TNFSF4: variants seen among roughly 807,000 people sequenced by gnomAD.
TNFSF4 encodes TNF superfamily member 4, also known as tumor necrosis factor ligand superfamily member 4.
A neutral mutation model predicts 7.3 loss-of-function variants in TNFSF4; 4 were observed. That is an observed-to-expected ratio of 0.55 (90% CI 0.27 to 1.25). TNFSF4 has a LOEUF of 1.25. Ranked by LOEUF, TNFSF4 falls within the 50% of genes most tolerant of loss-of-function variation. The pLI, the probability that TNFSF4 is intolerant of heterozygous loss-of-function variation, is 0.12. For synonymous variants in TNFSF4, 76 were observed against 83.7 expected (o/e 0.91, Z 0.50); for missense variants, 181 against 208.8 (o/e 0.87, Z 0.82).
the TNFSF4 span, among the ~76,000 whole-genome samples, chr1:173,313,889 T>C: frequency 3.2e-4 from 48 of 152,248 alleles, no homozygotes; most frequent in Non-Finnish European, 5.4e-4. Context: ...CTAGGGATAC[T>C]TGTCTTATAA....
At chr1:173,176,641 A>C in the TNFSF4 span, among the ~76,000 whole-genome samples, 1 of 152,228 alleles carries the variant, frequency 6.6e-6, no homozygotes, top group Admixed American at 6.5e-5. Context: ...ACAAAGAAAT[A>C]TAAATCATTG....
the TNFSF4 span, among the ~76,000 whole-genome samples, chr1:173,291,163 AAGGCAAAAC>A: frequency 2.6e-5 from 4 of 152,154 alleles, no homozygotes; most frequent in Non-Finnish European, 5.9e-5. Context: ...CTCCTAGTGG[AAGGCAAAAC>A]AGGAGCGAGC....
the TNFSF4 span, among the ~76,000 whole-genome samples, chr1:173,314,845 A>C: frequency 2.0e-5 from 3 of 152,164 alleles, no homozygotes; most frequent in Admixed American, 2.0e-4. Flanking sequence ...AGAGCCATTC[A>C]TCTGATAGTC....
the TNFSF4 span, among the ~76,000 whole-genome samples, chr1:173,327,947 G>C: frequency 3.9e-5 from 6 of 152,144 alleles, no homozygotes; most frequent in African/African-American, 1.4e-4. Context: ...TCAGTGTGGC[G>C]ATTCCTCAGG....
chr1:173,232,249 TC>T, the TNFSF4 span, among the ~76,000 whole-genome samples: 1 of 152,176 alleles, frequency 6.6e-6, no homozygotes, highest in Non-Finnish European at 1.5e-5. Context: ...GGGAGTTCAC[TC>T]ATGATTTGGC....
chr1:173,360,871 C>T, the TNFSF4 span, among the ~76,000 whole-genome samples: 1 of 152,142 alleles, frequency 6.6e-6, no homozygotes, highest in African/African-American at 2.4e-5. Flanking sequence ...GCAACACATG[C>T]CTACACTATG....
the TNFSF4 span, among the ~76,000 whole-genome samples, chr1:173,417,439 C>T: frequency 3.9e-5 from 6 of 152,298 alleles, no homozygotes; most frequent in East Asian, 9.6e-4. Flanking sequence ...CATCTTACAG[C>T]TAGACCTATA....
the TNFSF4 span, among the ~76,000 whole-genome samples, chr1:173,411,570 T>G: frequency 6.6e-6 from 1 of 151,632 alleles, no homozygotes; most frequent in South Asian, 2.1e-4. Flanking sequence ...GAGGCTGAGG[T>G]GGGCAGATCA....
the TNFSF4 span, among the ~76,000 whole-genome samples, chr1:173,278,967 T>C: frequency 6.6e-6 from 1 of 152,054 alleles, no homozygotes; most frequent in African/African-American, 2.4e-5. Context: ...ATGTAAAATT[T>C]AAAACTTTTA....
the TNFSF4 span, among the ~76,000 whole-genome samples, chr1:173,327,007 A>G: frequency 2.0e-5 from 3 of 152,152 alleles, no homozygotes; most frequent in Admixed American, 6.5e-5. Context: ...CACAGAATTG[A>G]AAAAACTACT....
the TNFSF4 span, among the ~76,000 whole-genome samples, chr1:173,372,729 C>T: frequency 6.6e-6 from 1 of 152,226 alleles, no homozygotes; most frequent in African/African-American, 2.4e-5. Context: ...ATACCAGGCG[C>T]TACTCCTTGA....
the TNFSF4 span, among the ~76,000 whole-genome samples, chr1:173,306,387 C>T: frequency 3.3e-5 from 5 of 151,934 alleles, no homozygotes; most frequent in African/African-American, 4.8e-5. Context: ...ATTCCACCTT[C>T]TCCTTCACTC....
At chr1:173,359,907 G>T in the TNFSF4 span, among the ~76,000 whole-genome samples, 170 of 152,350 alleles carry the variant, frequency 1.1e-3, 1 homozygote, top group African/African-American at 3.8e-3. Context: ...GGGCTCAGAG[G>T]ATTAAGAAGT....
chr1:173,369,320 G>A, the TNFSF4 span, among the ~76,000 whole-genome samples: 776 of 152,256 alleles, frequency 5.1e-3, 8 homozygotes, highest in African/African-American at 0.018. Context: ...TTGAGAATGC[G>A]TCAGTAAGGA....
At chr1:173,198,709 G>C (rs1267020865) in intron 1 of TNFSF4, among the ~76,000 whole-genome samples, 1 of 152,220 alleles carries the variant, frequency 6.6e-6, no homozygotes, top group Non-Finnish European at 1.5e-5. Flanking sequence ...ATGACACACA[G>C]TTTACCTGTA....
chr1:173,379,421 T>C, the TNFSF4 span, among the ~76,000 whole-genome samples: 9,020 of 152,174 alleles, frequency 0.059, 909 homozygotes, highest in African/African-American at 0.2. Flanking sequence ...ATGTCCACCA[T>C]AACTCAGGGA....
At chr1:173,263,336 C>G in the TNFSF4 span, among the ~76,000 whole-genome samples, 2 of 152,038 alleles carry the variant, frequency 1.3e-5, no homozygotes, top group Non-Finnish European at 2.9e-5. Flanking sequence ...CAATCCTAAG[C>G]AAAAAGAACA....
At chr1:173,386,935 T>G in the TNFSF4 span, among the ~76,000 whole-genome samples, 6 of 152,272 alleles carry the variant, frequency 3.9e-5, no homozygotes, top group Non-Finnish European at 7.3e-5. Flanking sequence ...GGAATGGAAA[T>G]GTCTGTCCTA....
the TNFSF4 span, among the ~76,000 whole-genome samples, chr1:173,439,355 C>G: frequency 6.6e-6 from 1 of 152,192 alleles, no homozygotes; most frequent in African/African-American, 2.4e-5. Context: ...CCTAATGACT[C>G]AGCAGCACAC....
Sources: gnomAD v4.1 joint callset for allele counts (sites outside exome capture counted in the v4.1 genomes callset) on GRCh38, gnomAD v4.1.1 for gene constraint, MANE v1.5 for transcripts, NCBI Gene and HGNC (gene_info 2026-07-23, HGNC 2026-07-21) for gene names.